The following ZBTB25 variants were observed in gnomAD, a reference collection of about 807,000 sequenced individuals.
ZBTB25 encodes zinc finger and BTB domain-containing protein 25.
ZBTB25 carries 20 observed loss-of-function variants against 34.2 expected under a neutral mutation model. The ratio of observed to expected loss-of-function variants is 0.58; its 90% confidence interval spans 0.41 to 0.85. ZBTB25 has a LOEUF of 0.85. ZBTB25 is among the 40% of genes least tolerant of loss of function. ZBTB25 has a pLI of 0.00. For synonymous variants in ZBTB25, 175 were observed against 186.4 expected (o/e 0.94, Z 0.50); for missense variants, 437 against 521.8 (o/e 0.84, Z 1.58).
chr14:64,454,909 T>C, intron 2 of ZBTB25: 6 of 1,610,068 alleles, frequency 3.7e-6, no homozygotes, highest in Non-Finnish European at 5.1e-6. Context: ...AGTGGGCGCA[T>C]CTGCACTTCT....
chr14:64,504,696 C>A (rs2079609148), upstream of ZBTB25: 1 of 366,568 alleles, frequency 2.7e-6, no homozygotes, highest in South Asian at 1.5e-4. Context: ...GTGGGCAGAC[C>A]CGGAGTCGCC....
intron 2 of ZBTB25, among the ~76,000 whole-genome samples, chr14:64,459,309 C>T (rs1325532207): frequency 6.6e-6 from 1 of 152,178 alleles, no homozygotes; most frequent in Non-Finnish European, 1.5e-5. Context: ...GATAACCATG[C>T]AAATGACCTG....
intron 2 of ZBTB25, among the ~76,000 whole-genome samples, chr14:64,459,155 G>A (rs551285922): frequency 2.6e-5 from 4 of 152,292 alleles, no homozygotes; most frequent in South Asian, 2.1e-4. Flanking sequence ...ATTTTCAGAC[G>A]TGCAAGGGTT....
In ZBTB25 at chr14:64,486,892, A is replaced by G. The variant is rs370021680; in HGVS notation, c.*31T>C. ...ATGCCACGCAAATTTTCTTTTTCAG[A>G]ATTGGTATAAAAATTCTGAAAGAGA... On this transcript the variant is annotated 3_prime_UTR_variant, in exon 3 of 3. Coordinates refer to ENST00000608382, the MANE Select transcript of ZBTB25 (RefSeq NM_006977.5). 149 of 1,529,840 alleles carry G rather than the reference A, an allele frequency of 9.7e-5. No individual in the cohort carries two copies. The African/African-American group carries it at 1.9e-3, about 19-fold the overall frequency. 94.8% of individuals were successfully genotyped at this position (1,529,840 alleles called of 1,614,324 possible). A position where few individuals can be genotyped will look rare whatever the true frequency, so the allele number is the denominator to read the frequency against.
chr14:64,469,729 T>A, intron 2 of ZBTB25: 11 of 1,298,516 alleles, frequency 8.5e-6, no homozygotes, highest in Non-Finnish European at 1.2e-5. Context: ...AAGAATTCTT[T>A]TATACATTTG....
intron 2 of ZBTB25, chr14:64,454,644 T>C (rs2078435532): frequency 8.6e-7 from 1 of 1,158,376 alleles, no homozygotes; most frequent in South Asian, 1.2e-5. Flanking sequence ...GAAGAATCCA[T>C]GTAATCACAG....
intron 2 of ZBTB25, among the ~76,000 whole-genome samples, chr14:64,453,568 T>C (rs1317545944): frequency 1.3e-5 from 2 of 152,104 alleles, no homozygotes; most frequent in Non-Finnish European, 2.9e-5. Flanking sequence ...AAACTCCGTC[T>C]CAAAAAAACA....
chr14:64,499,635 G>C (rs2079416257), intron 1 of ZBTB25: 1 of 152,120 alleles, frequency 6.6e-6, no homozygotes, highest in Non-Finnish European at 1.5e-5. Context: ...GCATGGGTGG[G>C]GGGGTGGAGG....
intron 2 of ZBTB25, among the ~76,000 whole-genome samples, chr14:64,465,062 G>A (rs1385474984): frequency 6.6e-6 from 1 of 152,196 alleles, no homozygotes; most frequent in Non-Finnish European, 1.5e-5. Flanking sequence ...TCTATGCACA[G>A]TTTTGAATCC....
At chr14:64,477,634 G>T (rs1053742999), downstream of ZBTB25, among the ~76,000 whole-genome samples, 2 of 152,126 alleles carry the variant, frequency 1.3e-5, no homozygotes, top group Non-Finnish European at 2.9e-5. Flanking sequence ...AAAGTAACAG[G>T]TGTGACTTCA....
intron 2 of ZBTB25, among the ~76,000 whole-genome samples, chr14:64,463,972 A>T (rs1035743255): frequency 1.3e-5 from 2 of 152,148 alleles, no homozygotes; most frequent in African/African-American, 4.8e-5. Flanking sequence ...AGCGCTAGCA[A>T]CCCATAGAGA....
chr14:64,502,729 C>G (rs1212307922), intron 1 of ZBTB25: 2 of 985,140 alleles, frequency 2.0e-6, no homozygotes, highest in Non-Finnish European at 2.4e-6. Flanking sequence ...AGTGCAATCA[C>G]CAAGGTGTCT....
intron 1 of ZBTB25, among the ~76,000 whole-genome samples, chr14:64,498,305 TTC>T (rs2079350830): frequency 6.6e-6 from 1 of 151,624 alleles, no homozygotes; most frequent in Admixed American, 6.6e-5. Flanking sequence ...GAGGCACAGA[TTC>T]TTTTTTTTTT....
At chr14:64,449,414 C>T (rs2078335576) in exon 3 of ZBTB25, 10 of 1,610,208 alleles carry the variant, frequency 6.2e-6, no homozygotes, top group Non-Finnish European at 8.5e-6. Flanking sequence ...AGCCATTTTC[C>T]ATGCTTTGAT....
In ZBTB25 at chr14:64,485,259, T is replaced by C. The variant is rs946159783; in HGVS notation, c.*1664A>G. The C allele has an allele frequency of 7.1e-6, 7 of 985,340 alleles. No homozygotes were observed. The highest frequency in any genetic ancestry group is 8.4e-6 in the Non-Finnish European group (7 of 829,934). 61.0% of individuals were successfully genotyped at this position (985,340 alleles called of 1,614,324 possible). A position where few individuals can be genotyped will look rare whatever the true frequency, so the allele number is the denominator to read the frequency against. On this transcript the variant is annotated 3_prime_UTR_variant, in exon 3 of 3. Coordinates refer to ENST00000608382, the MANE Select transcript of ZBTB25 (RefSeq NM_006977.5). Reference sequence around the variant, plus strand: ...ATGTGTCAGGAAACGTCCTCAGAAGTGGAGGGAGCTCAAGAGTTTTGTAAG... The same window carrying C: ...ATGTGTCAGGAAACGTCCTCAGAAGCGGAGGGAGCTCAAGAGTTTTGTAAG...
chr14:64,469,143 T>A, intron 2 of ZBTB25: 3 of 1,614,132 alleles, frequency 1.9e-6, no homozygotes, highest in Non-Finnish European at 2.5e-6. Context: ...GCAAGCCCAC[T>A]TGAAACTTCA....
chr14:64,488,050 T>C lies in ZBTB25; in HGVS notation c.181A>G (p.Ile61Val). Residue 61 changes from isoleucine to valine, a missense_variant, in exon 3 of 3, where the codon ATA becomes GTA. By Grantham distance (29) the Ile-to-Val change is conservative (BLOSUM62 3). Coordinates refer to ENST00000608382, the MANE Select transcript of ZBTB25 (RefSeq NM_006977.5). ...MIFIHQTSEC[I>V]KIQPTDIQPD... ...TGGATGTCAGTTGGTTGTATTTTTA[T>C]GCATTCACTGTTAAAAACAAAAACA... 1 of 1,610,394 alleles carries C rather than the reference T, an allele frequency of 6.2e-7. No individual in the cohort carries two copies. Among genetic ancestry groups the C allele is most frequent in the South Asian group, 1.1e-5 (1 of 90,972 alleles).
At chr14:64,494,738 C>G (rs1052565235) in intron 1 of ZBTB25, among the ~76,000 whole-genome samples, 3 of 152,182 alleles carry the variant, frequency 2.0e-5, no homozygotes, top group African/African-American at 4.8e-5. Flanking sequence ...CCCAAACATA[C>G]CTCTTCCCTT....
rs534208188 is a variant in ZBTB25 at position 64,454,048 on chromosome 14, G to A, written c.174-4410C>T. On this transcript the variant is annotated intron_variant, in intron 2 of 2. Coordinates refer to the ZBTB25 transcript ENST00000555220. The stretch of plus-strand genomic sequence containing the variant: ...CCTGGTTCTTTATTTACCCATAGGC[G>A]TTATATGAATGTGTAGAAATCCATG... Among the ~76,000 whole-genome samples the A allele has an allele frequency of 7.9e-5, 12 of 152,268 alleles. No homozygotes were observed. In the South Asian group the frequency reaches 2.3e-3, roughly 29 times the overall value.
Sources: gnomAD v4.1 joint callset for allele counts (sites outside exome capture counted in the v4.1 genomes callset) on GRCh38, gnomAD v4.1.1 for gene constraint, MANE v1.5 for transcripts, NCBI Gene and HGNC (gene_info 2026-07-23, HGNC 2026-07-21) for gene names.